The following NRG1 variants were observed in gnomAD, a reference collection of about 807,000 sequenced individuals.
The protein encoded by NRG1 is neuregulin 1.
A neutral mutation model predicts 63.8 loss-of-function variants in NRG1; 18 were observed. The ratio of observed to expected loss-of-function variants is 0.28; its 90% CI spans 0.19 to 0.42. The LOEUF (loss-of-function observed/expected upper bound fraction) is 0.42. Among genes scored for constraint, NRG1 ranks in the 10% least tolerant of loss-of-function variants. NRG1 has a pLI of 1.00. For synonymous variants in NRG1, 302 were observed against 301.3 expected (o/e 1.00, Z -0.02); for missense variants, 762 against 814.7 (o/e 0.94, Z 0.79).
chr8:31,651,441 G>T (rs933094775), intron 1 of NRG1, among the ~76,000 whole-genome samples: 1 of 152,150 alleles, frequency 6.6e-6, no homozygotes, highest in Non-Finnish European at 1.5e-5. Context: ...TGTAGATGGG[G>T]CATTGTTTTA....
At position 32,117,478 on chromosome 8, in the gene NRG1, C is replaced by T. The variant is rs527436318; in HGVS notation, c.37+478047C>T. On this transcript the variant is annotated intron_variant, in intron 1 of 10. Coordinates refer to the NRG1 transcript ENST00000519301. Reference sequence around the variant, plus strand: ...ATATCAAGGTCTCAGAAATGCCCCCCATTAACATAAGGGTAGCCATGACTT... The same window carrying T: ...ATATCAAGGTCTCAGAAATGCCCCCTATTAACATAAGGGTAGCCATGACTT... 1.1e-3 allele frequency among the ~76,000 whole-genome samples: 168 copies of T among 152,036 alleles called. 1 individual carries two copies. The highest frequency in any genetic ancestry group is 3.8e-3 in the African/African-American group (158 of 41,488).
At chr8:32,146,644 T>G (rs1231129915) in intron 1 of NRG1, among the ~76,000 whole-genome samples, 1 of 152,176 alleles carries the variant, frequency 6.6e-6, no homozygotes, top group Non-Finnish European at 1.5e-5. Context: ...TGACCATTCC[T>G]TGAACCTTGA....
chr8:31,911,243 C>T (rs1832919123), intron 1 of NRG1, among the ~76,000 whole-genome samples: 1 of 151,940 alleles, frequency 6.6e-6, no homozygotes, highest in Admixed American at 6.6e-5. Flanking sequence ...TATATATACC[C>T]AAAAGAATAT....
At chr8:32,015,385 G>C (rs549955426) in intron 1 of NRG1, among the ~76,000 whole-genome samples, 4 of 152,260 alleles carry the variant, frequency 2.6e-5, no homozygotes, top group South Asian at 4.2e-4. Context: ...AAAGTGAAAG[G>C]AGGTACCTGT....
At chr8:32,427,134 A>T (rs1372810389) in intron 1 of NRG1, among the ~76,000 whole-genome samples, 2 of 152,048 alleles carry the variant, frequency 1.3e-5, no homozygotes. Context: ...ATCAGAATGC[A>T]CCCATCTGTT....
At chr8:31,807,887 G>A (rs1044265913) in intron 1 of NRG1, among the ~76,000 whole-genome samples, 4 of 151,758 alleles carry the variant, frequency 2.6e-5, no homozygotes, top group Non-Finnish European at 5.9e-5. Flanking sequence ...TGACCTCCAG[G>A]TTCATCCATG....
chr8:32,595,811 C>G lies in NRG1; in HGVS notation c.101-17C>G. 1.3e-6 allele frequency: 2 copies of G among 1,552,372 alleles called. No homozygotes were observed. The highest frequency in any genetic ancestry group is 8.7e-7 in the Non-Finnish European group (1 of 1,145,808). ...CTGGTGATCAGAGTTGTTTTTCATT[C>G]TCTTTTCTTCTTTTAGCCTTGCCTC... On this transcript the variant is annotated splice_polypyrimidine_tract_variant and intron_variant, in intron 1 of 11. Coordinates refer to ENST00000356819, the Ensembl canonical transcript of NRG1.
intron 1 of NRG1, among the ~76,000 whole-genome samples, chr8:32,412,463 T>TGTATATATATAC (rs1389750202): frequency 1.2e-3 from 135 of 115,196 alleles, no homozygotes; most frequent in African/African-American, 4.1e-3. Flanking sequence ...CATATATATA[T>TGTATATATATAC]ATATATATAT....
At chr8:32,146,065 A>G (rs1307589519) in intron 1 of NRG1, among the ~76,000 whole-genome samples, 2 of 152,234 alleles carry the variant, frequency 1.3e-5, no homozygotes, top group African/African-American at 4.8e-5. Flanking sequence ...TTTTAGATGT[A>G]TATCAAGGAC....
At chr8:31,930,389 C>G (rs1443474399) in intron 1 of NRG1, among the ~76,000 whole-genome samples, 4 of 152,064 alleles carry the variant, frequency 2.6e-5, no homozygotes, top group African/African-American at 9.7e-5. Flanking sequence ...TTTCTAGAAC[C>G]TAGCAGATAA....
intron 1 of NRG1, among the ~76,000 whole-genome samples, chr8:31,814,107 G>C (rs1052880672): frequency 2.0e-5 from 3 of 152,146 alleles, no homozygotes; most frequent in Non-Finnish European, 2.9e-5. Flanking sequence ...TGTAGCTGGA[G>C]CCAGGAACTA....
At chr8:32,763,357 A>G in intron 11 of NRG1, 9 of 1,613,700 alleles carry the variant, frequency 5.6e-6, no homozygotes, top group Non-Finnish European at 6.8e-6. Flanking sequence ...GGCCTTTAGG[A>G]AGGTATAGTA....
At chr8:31,675,216 C>T (rs1051295468) in intron 1 of NRG1, among the ~76,000 whole-genome samples, 5 of 152,130 alleles carry the variant, frequency 3.3e-5, no homozygotes, top group African/African-American at 1.2e-4. Flanking sequence ...GTGGTGGACA[C>T]GTGTAATCCC....
intron 1 of NRG1, among the ~76,000 whole-genome samples, chr8:32,427,546 T>A (rs1175217658): frequency 6.6e-6 from 1 of 152,204 alleles, no homozygotes; most frequent in Non-Finnish European, 1.5e-5. Context: ...CTTGTCAATA[T>A]GCCAATCATC....
intron 1 of NRG1, among the ~76,000 whole-genome samples, chr8:32,346,592 AT>A: frequency 6.6e-6 from 1 of 151,802 alleles, no homozygotes; most frequent in East Asian, 1.9e-4. Flanking sequence ...TCTGTTCTTC[AT>A]TTAATTAGCA....
chr8:32,381,243 C>T (rs1401118600), intron 1 of NRG1, among the ~76,000 whole-genome samples: 1 of 152,210 alleles, frequency 6.6e-6, no homozygotes, highest in African/African-American at 2.4e-5. Flanking sequence ...GAACACTCTT[C>T]CCTTGATCCT....
chr8:31,995,121 A>G (rs898327665), intron 1 of NRG1, among the ~76,000 whole-genome samples: 5 of 151,964 alleles, frequency 3.3e-5, no homozygotes, highest in African/African-American at 9.7e-5. Flanking sequence ...TTATATCCCC[A>G]TAGAATTTCC....
intron 1 of NRG1, among the ~76,000 whole-genome samples, chr8:32,588,150 G>C (rs4341129): frequency 0.26 from 38,977 of 151,906 alleles, 5,122 homozygotes; most frequent in South Asian, 0.33. Context: ...TTGAACTCTT[G>C]ATCTCAAGTG....
At chr8:32,467,081 C>G (rs762547187) in intron 1 of NRG1, among the ~76,000 whole-genome samples, 22 of 152,154 alleles carry the variant, frequency 1.4e-4, no homozygotes, top group Non-Finnish European at 3.1e-4. Flanking sequence ...AACCTTGCCT[C>G]CCATAAAGAC....
Sources: gnomAD v4.1 joint callset for allele counts (sites outside exome capture counted in the v4.1 genomes callset) on GRCh38, gnomAD v4.1.1 for gene constraint, MANE v1.5 for transcripts, NCBI Gene and HGNC (gene_info 2026-07-23, HGNC 2026-07-21) for gene names.